The following BRD10 variants were observed in gnomAD, a reference collection of about 807,000 sequenced individuals.
BRD10 encodes the protein uncharacterized bromodomain-containing protein 10.
chr9:5,905,045 T>A, the BRD10 span, among the ~76,000 whole-genome samples: 83 of 152,338 alleles, frequency 5.4e-4, no homozygotes, highest in Middle Eastern at 0.01. Flanking sequence ...AGTGCTGCGA[T>A]TACAGGTGTG....
the BRD10 span, chr9:6,007,517 G>A: frequency 6.2e-7 from 1 of 1,612,998 alleles, no homozygotes; most frequent in Non-Finnish European, 8.5e-7. Context: ...TGCTTCTCCT[G>A]CAGGAACTCG....
At chr9:5,973,887 A>C in the BRD10 span, among the ~76,000 whole-genome samples, 18 of 152,220 alleles carry the variant, frequency 1.2e-4, no homozygotes, top group African/African-American at 4.1e-4. Flanking sequence ...GTCTCAAAAA[A>C]ACCAAAACAA....
At chr9:5,993,148 T>C in the BRD10 span, among the ~76,000 whole-genome samples, 9 of 151,984 alleles carry the variant, frequency 5.9e-5, no homozygotes, top group Admixed American at 3.3e-4. Context: ...AAACCCCATC[T>C]CTACTAATAA....
At chr9:5,956,202 T>A in the BRD10 span, among the ~76,000 whole-genome samples, 2 of 152,120 alleles carry the variant, frequency 1.3e-5, no homozygotes, top group African/African-American at 2.4e-5. Context: ...ATGAATTTCA[T>A]CTTATTGTTA....
the BRD10 span, chr9:5,892,628 T>C: frequency 2.6e-6 from 3 of 1,163,962 alleles, no homozygotes; most frequent in Non-Finnish European, 3.7e-6. Flanking sequence ...CACCAGTACA[T>C]GCCTGCTCGT....
chr9:5,940,530 A>G, the BRD10 span, among the ~76,000 whole-genome samples: 1 of 152,202 alleles, frequency 6.6e-6, no homozygotes, highest in Non-Finnish European at 1.5e-5. Flanking sequence ...TTTCACAAAT[A>G]TTTCCGTATT....
the BRD10 span, among the ~76,000 whole-genome samples, chr9:5,892,019 C>A: frequency 2.6e-5 from 4 of 152,246 alleles, no homozygotes; most frequent in African/African-American, 7.2e-5. Context: ...TGATATCCAA[C>A]AATAACTTTG....
chr9:5,944,227 T>G, the BRD10 span, among the ~76,000 whole-genome samples: 2 of 152,180 alleles, frequency 1.3e-5, no homozygotes, highest in Non-Finnish European at 2.9e-5. Context: ...AAATGCTAGT[T>G]AAATAGGTGT....
At chr9:5,983,729 A>G in the BRD10 span, among the ~76,000 whole-genome samples, 12 of 152,252 alleles carry the variant, frequency 7.9e-5, no homozygotes, top group African/African-American at 2.6e-4. Flanking sequence ...CAAGATAAAC[A>G]CAAACACACA....
the BRD10 span, among the ~76,000 whole-genome samples, chr9:5,961,464 C>T: frequency 1.3e-5 from 2 of 151,882 alleles, no homozygotes; most frequent in Admixed American, 6.6e-5. Flanking sequence ...ATTTTTTTTG[C>T]TCTGAGTTTT....
At chr9:5,888,591 C>T in the BRD10 span, among the ~76,000 whole-genome samples, 4 of 152,134 alleles carry the variant, frequency 2.6e-5, no homozygotes, top group African/African-American at 4.8e-5. Context: ...GAACTGCTAA[C>T]GAATGTACAG....
At chr9:5,922,265 C>G in the BRD10 span, 6 of 1,613,826 alleles carry the variant, frequency 3.7e-6, no homozygotes, top group Non-Finnish European at 5.1e-6. Flanking sequence ...ATTTGTAGAC[C>G]CATTTAGTGT....
At chr9:5,977,941 C>T in the BRD10 span, among the ~76,000 whole-genome samples, 1 of 152,152 alleles carries the variant, frequency 6.6e-6, no homozygotes, top group African/African-American at 2.4e-5. Context: ...AAGTACAGTA[C>T]TAAAGGCAGA....
the BRD10 span, among the ~76,000 whole-genome samples, chr9:5,936,264 G>C: frequency 6.6e-6 from 1 of 152,208 alleles, no homozygotes; most frequent in Non-Finnish European, 1.5e-5. Context: ...GCTGAGGTGG[G>C]AGGACTGCTT....
At chr9:5,990,241 G>C in the BRD10 span, among the ~76,000 whole-genome samples, 2 of 152,074 alleles carry the variant, frequency 1.3e-5, no homozygotes, top group South Asian at 4.2e-4. Context: ...ATACTGAATG[G>C]GTGTACTTTA....
At chr9:6,004,897 G>C in the BRD10 span, among the ~76,000 whole-genome samples, 1 of 152,184 alleles carries the variant, frequency 6.6e-6, no homozygotes, top group African/African-American at 2.4e-5. Flanking sequence ...GTATCCACAA[G>C]TGTGGTCTCG....
At chr9:5,968,541 C>T in the BRD10 span, 1 of 1,613,512 alleles carries the variant, frequency 6.2e-7, no homozygotes, top group Non-Finnish European at 8.5e-7. Context: ...GATTTTACTC[C>T]CATTTCAACA....
At chr9:5,970,946 G>A in the BRD10 span, among the ~76,000 whole-genome samples, 2 of 151,140 alleles carry the variant, frequency 1.3e-5, no homozygotes, top group African/African-American at 4.9e-5. Flanking sequence ...CAGCTACTAG[G>A]GAGGCTGAGG....
chr9:5,931,087 A>C, the BRD10 span, among the ~76,000 whole-genome samples: 1 of 152,202 alleles, frequency 6.6e-6, no homozygotes, highest in Non-Finnish European at 1.5e-5. Flanking sequence ...ATTAACTGGA[A>C]AACTGTTCAA....
Sources: allele counts gnomAD v4.1 joint callset (sites outside exome capture counted in the v4.1 genomes callset), GRCh38; gene constraint gnomAD v4.1.1; transcripts MANE v1.5; gene names NCBI Gene and HGNC (gene_info 2026-07-23, HGNC 2026-07-21).